DGKG: variants seen among roughly 807,000 people sequenced by gnomAD.
DGKG encodes the protein DAG kinase gamma.
In DGKG, 78 loss-of-function variants were observed where a neutral mutation model predicts 105.3. The observed-to-expected ratio is 0.74, with a 90% CI of 0.62 to 0.89. The LOEUF (loss-of-function observed/expected upper bound fraction) is 0.89. Ranked by LOEUF, DGKG falls within the 40% of genes least tolerant of loss-of-function variation. DGKG has a pLI of 0.00. For missense variants in DGKG, 958 were observed against 1,020.1 expected (o/e 0.94, Z 0.83); for synonymous variants, 346 against 367.1 (o/e 0.94, Z 0.66).
At position 186,324,685 on chromosome 3, in the gene DGKG, A is replaced by G. The variant is rs1424481253; in HGVS notation, c.-248-3978T>C. ...AACCATGACTATTATTAAAAAGACA[A>G]AAACAGATACTGGTGAGGCTTTGGA... is the stretch of plus-strand genomic sequence containing the variant. On this transcript the variant is annotated intron_variant, in intron 1 of 24. Coordinates refer to ENST00000265022, the MANE Select transcript of DGKG (RefSeq NM_001346.3). 2.0e-5 allele frequency among the ~76,000 whole-genome samples: 3 copies of G among 152,226 alleles called. No individual in the cohort carries two copies. In the East Asian group the frequency reaches 5.8e-4, roughly 29 times the overall value.
chr3:186,276,104 C>A (rs1234714738), intron 9 of DGKG, among the ~76,000 whole-genome samples: 1 of 152,042 alleles, frequency 6.6e-6, no homozygotes, highest in Non-Finnish European at 1.5e-5. Flanking sequence ...GGCAGATGAG[C>A]CTTTTTGTGC....
At chr3:186,157,889 G>C (rs1250387376) in intron 24 of DGKG, among the ~76,000 whole-genome samples, 6 of 152,066 alleles carry the variant, frequency 3.9e-5, no homozygotes, top group Admixed American at 3.9e-4. Flanking sequence ...TTTTGGTACA[G>C]ATGGGGTTTA....
chr3:186,285,353 C>T, intron 6 of DGKG, among the ~76,000 whole-genome samples: 1 of 152,204 alleles, frequency 6.6e-6, no homozygotes, highest in Non-Finnish European at 1.5e-5. Flanking sequence ...AAGGTACTGT[C>T]CTATAGACTT....
intron 17 of DGKG, among the ~76,000 whole-genome samples, chr3:186,254,017 G>A (rs1721345184): frequency 6.6e-6 from 1 of 152,134 alleles, no homozygotes; most frequent in Non-Finnish European, 1.5e-5. Context: ...TTCCTCTTCT[G>A]ACAGTTGTGA....
At chr3:186,243,718 G>T (rs1720794598) in intron 19 of DGKG, among the ~76,000 whole-genome samples, 2 of 152,108 alleles carry the variant, frequency 1.3e-5, no homozygotes, top group Non-Finnish European at 2.9e-5. Context: ...GGCTAATTGA[G>T]CCGGAGATGG....
chr3:186,319,455 G>C (rs1724977450), intron 2 of DGKG, among the ~76,000 whole-genome samples: 1 of 152,198 alleles, frequency 6.6e-6, no homozygotes, highest in African/African-American at 2.4e-5. Context: ...TGAGAAGGGG[G>C]ACCTGTGCAA....
chr3:186,158,996 A>C, intron 24 of DGKG: 1 of 261,484 alleles, frequency 3.8e-6, no homozygotes, highest in Non-Finnish European at 5.9e-6. Flanking sequence ...TAAGATATAT[A>C]TTATATATAC....
At chr3:186,283,978 C>T (rs1560133108) in intron 7 of DGKG, among the ~76,000 whole-genome samples, 1 of 152,198 alleles carries the variant, frequency 6.6e-6, no homozygotes, top group African/African-American at 2.4e-5. Context: ...GACAACAGGG[C>T]CTGTCTGACT....
chr3:186,224,443 G>A (rs938738873), intron 20 of DGKG, among the ~76,000 whole-genome samples: 1 of 152,132 alleles, frequency 6.6e-6, no homozygotes, highest in Non-Finnish European at 1.5e-5. Context: ...CTCCAAATGT[G>A]TCATTTGCCA....
In DGKG at chr3:186,351,638, A is replaced by C. The variant is rs560967099; in HGVS notation, c.-249+10308T>G. ...AGAAGTCATGGCAGGTGATTCTTAC[A>C]TCTTCTTGACAGGTACATTAGTTAT... is the stretch of plus-strand genomic sequence containing the variant. On this transcript the variant is annotated intron_variant, in intron 1 of 24. Transcript: ENST00000265022. Among the ~76,000 whole-genome samples the C allele has an allele frequency of 5.3e-5, 8 of 152,348 alleles. 1 individual carries two copies. The highest frequency in any genetic ancestry group is 6.8e-3 in the Middle Eastern group (2 of 294).
In DGKG at chr3:186,273,325, A is replaced by AAG. The variant is rs548975295; in HGVS notation, c.911-984_911-983dup. ...TGAGATTGATCTATAAAATGTGGGTAAGAGCTGGGTTTGAACTGGCGCTGG... is the reference window on the plus strand; with the variant it reads ...TGAGATTGATCTATAAAATGTGGGTAAGAGAGCTGGGTTTGAACTGGCGCTGG... On this transcript the variant is annotated intron_variant, in intron 10 of 24. Transcript: ENST00000265022. 1.9e-3 allele frequency among the ~76,000 whole-genome samples: 279 copies of AAG among 149,272 alleles called. 2 individuals carry two copies. Among genetic ancestry groups the AAG allele is most frequent in the African/African-American group, 6.6e-3 (270 of 40,894 alleles).
intron 1 of DGKG, among the ~76,000 whole-genome samples, chr3:186,349,261 T>A (rs1342656015): frequency 6.6e-6 from 1 of 152,214 alleles, no homozygotes; most frequent in Non-Finnish European, 1.5e-5. Context: ...ATATGTTTAA[T>A]GTATTGAATA....
At chr3:186,211,732 A>C in intron 21 of DGKG, 63 bp downstream of exon 21, 1 of 1,172,300 alleles carries the variant, frequency 8.5e-7, no homozygotes, top group Non-Finnish European at 1.3e-6. Flanking sequence ...CATCCTGTGC[A>C]TGTGTGACAG....
intron 22 of DGKG, among the ~76,000 whole-genome samples, chr3:186,165,794 CAGT>C (rs1000986422): frequency 6.6e-6 from 1 of 152,236 alleles, no homozygotes; most frequent in Non-Finnish European, 1.5e-5. Context: ...CTTGTGAAAG[CAGT>C]AGCAGGATTA....
chr3:186,229,995 C>G (rs1425838104), intron 20 of DGKG, among the ~76,000 whole-genome samples: 1 of 152,168 alleles, frequency 6.6e-6, no homozygotes, highest in Non-Finnish European at 1.5e-5. Context: ...CGCGGTGGCT[C>G]ACGCCTGTAA....
intron 2 of DGKG, among the ~76,000 whole-genome samples, chr3:186,311,531 A>G (rs1305031786): frequency 6.6e-6 from 1 of 152,180 alleles, no homozygotes; most frequent in Non-Finnish European, 1.5e-5. Flanking sequence ...TCTTTGATCA[A>G]GGTTACCAGT....
intron 1 of DGKG, among the ~76,000 whole-genome samples, chr3:186,355,719 A>T (rs1726923104): frequency 6.6e-6 from 1 of 150,544 alleles, no homozygotes; most frequent in Non-Finnish European, 1.5e-5. Context: ...CAGCACCAGC[A>T]CCAGCATCAC....
chr3:186,355,137 C>T (rs1435752127), intron 1 of DGKG, among the ~76,000 whole-genome samples: 1 of 151,356 alleles, frequency 6.6e-6, no homozygotes, highest in Non-Finnish European at 1.5e-5. Context: ...ACCCTGCCCC[C>T]AACCACCATT....
intron 21 of DGKG, among the ~76,000 whole-genome samples, chr3:186,192,998 A>G (rs916575522): frequency 1.7e-4 from 26 of 152,138 alleles, no homozygotes; most frequent in African/African-American, 5.8e-4. Context: ...TGTGTTTGCT[A>G]TTAACTTGGT....
Sources: gnomAD v4.1 joint callset for allele counts (sites outside exome capture counted in the v4.1 genomes callset) on GRCh38, gnomAD v4.1.1 for gene constraint, MANE v1.5 for transcripts, NCBI Gene and HGNC (gene_info 2026-07-23, HGNC 2026-07-21) for gene names.